Variants in PKHD1L1 observed in about 807,000 individuals in gnomAD.
PKHD1L1 encodes fibrocystin-L.
A neutral mutation model predicts 462.9 loss-of-function variants in PKHD1L1; 434 were observed. The observed-to-expected ratio is 0.94, with a 90% confidence interval of 0.87 to 1.02. The LOEUF is 1.02. Ranked by LOEUF, PKHD1L1 falls within the 50% of genes least tolerant of loss-of-function variation. The pLI, the probability that PKHD1L1 is intolerant of heterozygous loss-of-function variation, is 0.00. For missense variants in PKHD1L1, 5,202 were observed against 5,096.1 expected, an observed-to-expected ratio of 1.02 and a Z score of -0.63; for synonymous variants, 1,781 against 1,750.0, an observed-to-expected ratio of 1.02 and a Z score of -0.44.
chr8:109,519,453 T>C lies in PKHD1L1; in HGVS notation c.12031+945T>C, dbSNP rs369564202. Among the ~76,000 whole-genome samples the C allele has an allele frequency of 3.9e-5, 6 of 152,088 alleles. No individual in the cohort carries two copies. The South Asian group carries it at 8.3e-4, about 21-fold the overall frequency. ...TTCACAGCCTCTGGTACAGAGTGGG[T>C]CATCTTCTCTGCTCTACATATGCAT... On this transcript the variant is annotated intron_variant, in intron 73 of 77. Coordinates refer to ENST00000378402, the MANE Select transcript of PKHD1L1 (RefSeq NM_177531.6).
At chr8:109,403,215 G>T (rs992413767) in intron 14 of PKHD1L1, among the ~76,000 whole-genome samples, 3 of 152,116 alleles carry the variant, frequency 2.0e-5, no homozygotes, top group African/African-American at 7.2e-5. Context: ...CTGAAATTGA[G>T]GCCACTCTAG....
intron 50 of PKHD1L1, 22 bp from the exon 51 acceptor site, chr8:109,475,096 C>T (rs1301498814): frequency 8.3e-6 from 13 of 1,564,124 alleles, no homozygotes; most frequent in Non-Finnish European, 1.1e-5. Flanking sequence ...CTATTATTTT[C>T]TTGTTCTATG....
At chr8:109,444,132 A>G (rs1586526326) in intron 37 of PKHD1L1, among the ~76,000 whole-genome samples, 1 of 151,418 alleles carries the variant, frequency 6.6e-6, no homozygotes, top group African/African-American at 2.4e-5. Flanking sequence ...CCCAAAAAAA[A>G]CCCTAAAGCC....
chr8:109,368,520 GT>G (rs1482672617), intron 2 of PKHD1L1, among the ~76,000 whole-genome samples: 4 of 152,110 alleles, frequency 2.6e-5, no homozygotes, highest in Non-Finnish European at 5.9e-5. Context: ...AGCTATTTTT[GT>G]TTGTATTATT....
At chr8:109,454,584 T>A (rs553890326) in intron 44 of PKHD1L1, 139 bp from the exon 45 acceptor site, 2 of 1,283,412 alleles carry the variant, frequency 1.6e-6, no homozygotes, top group African/African-American at 3.0e-5. Context: ...AAGGTTTATC[T>A]TTCAAAAGAA....
At position 109,408,128 on chromosome 8, in the gene PKHD1L1, A is replaced by G. The variant is rs1381712456; in HGVS notation, c.1893A>G (p.Lys631=). The G allele has an allele frequency of 1.2e-6, 2 of 1,613,204 alleles. No homozygotes were observed. The highest frequency in any genetic ancestry group is 1.7e-6 in the Non-Finnish European group (2 of 1,179,534). The part of the protein sequence containing the change: ...TLDITEQTKG[K]PNLETFTLNW... ...ATATTACAGAACAAACCAAAGGAAA[A>G]CCCAACTTGGAGACATTCACACTGA... The change falls in exon 18 of 78, where the codon AAA becomes AAG. Residue 631 remains lysine, a synonymous_variant. Transcript: ENST00000378402.
chr8:109,410,949 G>C (rs370763935), intron 19 of PKHD1L1, among the ~76,000 whole-genome samples: 4 of 151,334 alleles, frequency 2.6e-5, no homozygotes, highest in Non-Finnish European at 5.9e-5. Context: ...GGATGGTCTC[G>C]ATCTCTTGAC....
chr8:109,494,114 A>T (rs969800032), intron 63 of PKHD1L1, among the ~76,000 whole-genome samples: 10 of 151,962 alleles, frequency 6.6e-5, no homozygotes, highest in African/African-American at 2.4e-4. Flanking sequence ...GCTTTGATAG[A>T]ATAAATGCTC....
chr8:109,504,575 G>A, intron 68 of PKHD1L1, 83 bp downstream of exon 68: 1 of 877,400 alleles, frequency 1.1e-6, no homozygotes. Flanking sequence ...GAGAAAGTTG[G>A]CATATTAAAA....
At position 109,429,316 on chromosome 8, in the gene PKHD1L1, T is replaced by C. The variant is rs201613062; in HGVS notation, c.3001-24T>C. 6.5e-5 allele frequency: 95 copies of C among 1,467,218 alleles called. No individual in the cohort carries two copies. In the African/African-American group the frequency reaches 1.1e-3, roughly 17 times the overall value. 90.9% of individuals were successfully genotyped at this position (1,467,218 alleles called of 1,614,324 possible). A position where few individuals can be genotyped will look rare whatever the true frequency, so the allele number is the denominator to read the frequency against. ...GTCATATTTGTTATAACCTTTCTAGTAAAATAATTGTGTGTAAAAATAGAT... is the reference window on the plus strand; with the variant it reads ...GTCATATTTGTTATAACCTTTCTAGCAAAATAATTGTGTGTAAAAATAGAT... On this transcript the variant is annotated intron_variant, in intron 25 of 77. Coordinates refer to ENST00000378402, the MANE Select transcript of PKHD1L1 (RefSeq NM_177531.6).
At chr8:109,366,691 A>ATTTT (rs373076991) in intron 2 of PKHD1L1, among the ~76,000 whole-genome samples, 13 of 137,670 alleles carry the variant, frequency 9.4e-5, no homozygotes, top group African/African-American at 1.4e-4. Context: ...TGTGGTTATG[A>ATTTT]TTTTTTTTTT....
intron 76 of PKHD1L1, among the ~76,000 whole-genome samples, chr8:109,524,807 T>A (rs529797274): frequency 6.0e-4 from 72 of 119,210 alleles, no homozygotes; most frequent in Admixed American, 3.9e-3. Flanking sequence ...CCTCCCTCCA[T>A]CCCTCCTTCC....
intron 59 of PKHD1L1, among the ~76,000 whole-genome samples, chr8:109,487,890 G>GAGGA (rs10661778): frequency 0.086 from 5,966 of 69,268 alleles, 349 homozygotes; most frequent in Middle Eastern, 0.14. Context: ...GAGAGAGAGA[G>GAGGA]AGGAAGGAAG....
Position 109,531,584 on chromosome 8 carries a change from G to A in PKHD1L1, c.*1494G>A, listed in dbSNP as rs1345276311. On this transcript the variant is annotated 3_prime_UTR_variant, in exon 78 of 78. Transcript: ENST00000378402. ...CAGGAGGGCTACCTAGAAGAGCAGT[G>A]GAAGAAAACTGGGAGAGGACCACTG... 2.0e-5 allele frequency among the ~76,000 whole-genome samples: 3 copies of A among 152,068 alleles called. No homozygotes were observed. The highest frequency in any genetic ancestry group is 2.9e-5 in the Non-Finnish European group (2 of 68,018).
intron 12 of PKHD1L1, among the ~76,000 whole-genome samples, chr8:109,399,062 A>G (rs1305085940): frequency 6.6e-6 from 1 of 152,084 alleles, no homozygotes; most frequent in Non-Finnish European, 1.5e-5. Flanking sequence ...AATGCTGTAC[A>G]TGTGTCTGCG....
intron 38 of PKHD1L1, 136 bp from the exon 39 acceptor site, chr8:109,448,007 C>A: frequency 1.4e-6 from 1 of 725,300 alleles, no homozygotes; most frequent in Non-Finnish European, 2.2e-6. Context: ...TATGACATAG[C>A]ATGTATTGTT....
intron 58 of PKHD1L1, among the ~76,000 whole-genome samples, chr8:109,486,368 A>G (rs1330365808): frequency 2.6e-5 from 4 of 152,008 alleles, no homozygotes; most frequent in African/African-American, 7.2e-5. Flanking sequence ...GTGATTATAT[A>G]CTACCTTCAA....
chr8:109,369,081 G>A (rs757751404), intron 2 of PKHD1L1, among the ~76,000 whole-genome samples: 60 of 151,938 alleles, frequency 3.9e-4, no homozygotes, highest in Non-Finnish European at 7.2e-4. Context: ...CTGGGTTCAA[G>A]AATTCTCCTG....
chr8:109,450,830 A>G, intron 40 of PKHD1L1, 145 bp from the exon 41 acceptor site: 6 of 750,964 alleles, frequency 8.0e-6, no homozygotes, highest in Non-Finnish European at 1.2e-5. Flanking sequence ...CTAGAGGGCC[A>G]CTATTATTCA....
Sources: allele counts gnomAD v4.1 joint callset (sites outside exome capture counted in the v4.1 genomes callset), GRCh38; gene constraint gnomAD v4.1.1; transcripts MANE v1.5; gene names NCBI Gene and HGNC (gene_info 2026-07-23, HGNC 2026-07-21).